IFTAP: variants seen among roughly 807,000 people sequenced by gnomAD.
The protein encoded by IFTAP is intraflagellar transport associated protein.
In IFTAP, 19 loss-of-function variants were observed where a neutral mutation model predicts 19.4. The ratio of observed to expected loss-of-function variants is 0.98; its 90% CI spans 0.68 to 1.44. IFTAP has a LOEUF of 1.44. Among genes scored for constraint, IFTAP ranks in the 40% most tolerant of loss-of-function variants. The probability of loss-of-function intolerance (pLI) is 0.00; values close to 1 mark genes in which losing one functional copy is unlikely to be tolerated. For synonymous variants in IFTAP, 85 were observed against 83.5 expected, an observed-to-expected ratio of 1.02 and a Z score of -0.10; for missense variants, 240 against 253.6, an observed-to-expected ratio of 0.95 and a Z score of 0.36.
chr11:36,645,992 C>T (rs1403468974), intron 4 of IFTAP, among the ~76,000 whole-genome samples: 3 of 152,110 alleles, frequency 2.0e-5, no homozygotes, highest in Admixed American at 6.6e-5. Context: ...TGGTGCATTT[C>T]GCTTTTATTC....
At chr11:36,595,942 G>T (rs891829014) in intron 1 of IFTAP, among the ~76,000 whole-genome samples, 7 of 151,454 alleles carry the variant, frequency 4.6e-5, no homozygotes, top group African/African-American at 1.5e-4. Flanking sequence ...TGAGGGTGCT[G>T]GTAGTAGTTA....
chr11:36,638,456 T>C (rs1004430220), intron 4 of IFTAP, among the ~76,000 whole-genome samples: 1 of 152,212 alleles, frequency 6.6e-6, no homozygotes, highest in African/African-American at 2.4e-5. Context: ...GTGAAGCCTA[T>C]GCTGAAAATC....
chr11:36,611,826 T>C (rs1851887350), intron 2 of IFTAP, among the ~76,000 whole-genome samples: 1 of 152,078 alleles, frequency 6.6e-6, no homozygotes, highest in African/African-American at 2.4e-5. Context: ...AATTATCTTT[T>C]AGTCTGTGCA....
At chr11:36,648,707 A>AC (rs1853589965) in intron 5 of IFTAP, among the ~76,000 whole-genome samples, 1 of 152,144 alleles carries the variant, frequency 6.6e-6, no homozygotes, top group East Asian at 1.9e-4. Context: ...CATTGTCCTC[A>AC]CCTGCGTGTT....
intron 2 of IFTAP, among the ~76,000 whole-genome samples, chr11:36,619,770 C>T (rs374143945): frequency 1.1e-4 from 16 of 151,962 alleles, no homozygotes; most frequent in African/African-American, 3.4e-4. Context: ...TAATTCCCTA[C>T]TGAATATTGA....
At position 36,633,453 on chromosome 11, in the gene IFTAP, G is replaced by A; in HGVS notation, c.291+15G>A. The stretch of plus-strand genomic sequence containing the variant: ...TGGAAGAACAGGTAATACCAACATA[G>A]TACATGTATAGAAACAATCTCAGAA... On this transcript the variant is annotated intron_variant, in intron 3 of 5. Coordinates refer to ENST00000334307, the MANE Select transcript of IFTAP (RefSeq NM_138787.4). 3 of 1,502,904 alleles carry A rather than the reference G, an allele frequency of 2.0e-6. No homozygotes were observed. The highest frequency in any genetic ancestry group is 2.7e-6 in the Non-Finnish European group (3 of 1,127,364). The allele number at this position is 1,502,904 out of a possible 1,614,324, so 93.1% of individuals were successfully genotyped here.
intron 1 of IFTAP, among the ~76,000 whole-genome samples, chr11:36,609,640 C>T (rs1044610088): frequency 6.6e-6 from 1 of 152,068 alleles, no homozygotes; most frequent in Non-Finnish European, 1.5e-5. Flanking sequence ...GTGACCTTAT[C>T]TAGGACTGTT....
At chr11:36,632,152 T>C (rs1453985557) in intron 2 of IFTAP, among the ~76,000 whole-genome samples, 1 of 151,216 alleles carries the variant, frequency 6.6e-6, no homozygotes, top group Non-Finnish European at 1.5e-5. Flanking sequence ...CTTTAATCTG[T>C]AAAGTAAGGA....
chr11:36,603,348 T>C (rs1851576229), intron 1 of IFTAP, among the ~76,000 whole-genome samples: 1 of 152,220 alleles, frequency 6.6e-6, no homozygotes, highest in African/African-American at 2.4e-5. Context: ...ACAACACATC[T>C]GGTTCCAACA....
At chr11:36,625,216 AGTT>A (rs1356818773) in intron 2 of IFTAP, among the ~76,000 whole-genome samples, 3 of 152,142 alleles carry the variant, frequency 2.0e-5, no homozygotes, top group South Asian at 2.1e-4. Flanking sequence ...TACTTCATTA[AGTT>A]GTTATTAGGA....
chr11:36,640,823 C>T (rs1300750237), intron 4 of IFTAP, among the ~76,000 whole-genome samples: 1 of 152,204 alleles, frequency 6.6e-6, no homozygotes, highest in East Asian at 1.9e-4. Context: ...GGAAGATCTA[C>T]ATAACACAGT....
At chr11:36,612,135 C>T (rs192538273) in intron 2 of IFTAP, among the ~76,000 whole-genome samples, 22 of 152,070 alleles carry the variant, frequency 1.4e-4, no homozygotes, top group Admixed American at 3.3e-4. Flanking sequence ...ATTCTGTTTT[C>T]GAATTCCAGT....
At chr11:36,625,085 G>C (rs1852460318) in intron 2 of IFTAP, among the ~76,000 whole-genome samples, 1 of 152,130 alleles carries the variant, frequency 6.6e-6, no homozygotes, top group Admixed American at 6.5e-5. Context: ...GAACATGGAA[G>C]TTGGAGACAA....
intron 3 of IFTAP, 70 bp downstream of exon 3, chr11:36,633,508 G>A: frequency 8.5e-7 from 1 of 1,173,486 alleles, no homozygotes; most frequent in Non-Finnish European, 1.1e-6. Context: ...TCAAAAAAAA[G>A]AGACCCTACT....
intron 5 of IFTAP, among the ~76,000 whole-genome samples, chr11:36,653,135 T>G (rs1293652279): frequency 6.6e-6 from 1 of 152,140 alleles, no homozygotes; most frequent in African/African-American, 2.4e-5. Flanking sequence ...CATATTACTT[T>G]GTATAGTAGC....
At chr11:36,648,232 C>G (rs1276643971) in intron 5 of IFTAP, 77 bp downstream of exon 5, 6 of 1,472,702 alleles carry the variant, frequency 4.1e-6, no homozygotes, top group Non-Finnish European at 2.7e-6. Context: ...ATGCTGCATG[C>G]TTCTGTATTT....
rs1476748010 is a variant in IFTAP, at chr11:36,648,126, G to A, written c.469G>A (p.Val157Ile). 3 of 1,613,286 alleles carry A rather than the reference G, an allele frequency of 1.9e-6. No homozygotes were observed. Among genetic ancestry groups the A allele is most frequent in the Non-Finnish European group, 1.7e-6 (2 of 1,179,528 alleles). The change falls in exon 5 of 6, where the codon GTT becomes ATT. Residue 157 changes from valine (V) to isoleucine (I), a missense_variant. Transcript: ENST00000334307. ...PTCEVKPKPS[V>I]KRMDKQTEEI... ...CTGTGAAGTGAAGCCAAAGCCCAGT[G>A]TTAAAAGAATGGACAAACAGACGGA...
chr11:36,607,865 G>T (rs1216179955), intron 1 of IFTAP, among the ~76,000 whole-genome samples: 1 of 152,088 alleles, frequency 6.6e-6, no homozygotes, highest in East Asian at 1.9e-4. Flanking sequence ...TGGAGACAGG[G>T]TTTCTCCATG....
At chr11:36,634,107 T>C (rs1852842405) in intron 3 of IFTAP, among the ~76,000 whole-genome samples, 1 of 152,152 alleles carries the variant, frequency 6.6e-6, no homozygotes, top group Admixed American at 6.5e-5. Context: ...CAGATGCCTA[T>C]AATTCTTTAT....
Sources: allele counts gnomAD v4.1 joint callset (sites outside exome capture counted in the v4.1 genomes callset), GRCh38; gene constraint gnomAD v4.1.1; transcripts MANE v1.5; gene names NCBI Gene and HGNC (gene_info 2026-07-23, HGNC 2026-07-21).